Variants in PCDH15 observed in about 807,000 individuals in gnomAD.
PCDH15 encodes the protein protocadherin related 15.
Under a neutral mutation model 178.5 loss-of-function variants are expected in PCDH15, and 129 were observed. The ratio of observed to expected loss-of-function variants is 0.72; its 90% CI spans 0.63 to 0.84. The LOEUF (loss-of-function observed/expected upper bound fraction) is 0.84. PCDH15 is among the 40% of genes least tolerant of loss of function. PCDH15 has a pLI of 0.00. For missense variants in PCDH15, 2,230 were observed against 2,099.9 expected (o/e 1.06, Z -1.21); for synonymous variants, 800 against 732.0 (o/e 1.09, Z -1.50).
At position 55,108,103 on chromosome 10, in the gene PCDH15, T is replaced by C. The variant is rs145767957; in HGVS notation, c.-80+58473A>G. ...TGAGGACAAAGTGAGAAACCAGCCA[T>C]TTCTGAACAAGGAATCAGGCCTTCA... On this transcript the variant is annotated intron_variant, in intron 2 of 5. Coordinates refer to the PCDH15 transcript ENST00000458638. Among the ~76,000 whole-genome samples the C allele has an allele frequency of 1.2e-3, 185 of 152,256 alleles. 2 individuals carry two copies. In the East Asian group the frequency reaches 0.029, roughly 24 times the overall value.
rs570973207 is a variant in PCDH15, at chr10:53,957,661, C to T, written c.3122+2071G>A. On this transcript the variant is annotated intron_variant, in intron 23 of 37. Transcript: ENST00000644397. The stretch of plus-strand genomic sequence containing the variant: ...AGAATGCCATACAATTTAAAACTTA[C>T]GAATTGTTTATTTCTGGAATTTTCC... 1.4e-4 allele frequency among the ~76,000 whole-genome samples: 22 copies of T among 152,082 alleles called. No homozygotes were observed. In the East Asian group the frequency reaches 2.3e-3, roughly 16 times the overall value.
chr10:54,291,517 A>C (rs1440539005), intron 8 of PCDH15, among the ~76,000 whole-genome samples: 1 of 152,194 alleles, frequency 6.6e-6, no homozygotes, highest in South Asian at 2.1e-4. Flanking sequence ...CCCTCCAAAA[A>C]TCAGTGAATC....
chr10:53,883,289 C>T (rs1225678800), intron 26 of PCDH15, among the ~76,000 whole-genome samples: 2 of 151,998 alleles, frequency 1.3e-5, no homozygotes, highest in East Asian at 3.9e-4. Context: ...TTGTCATTAG[C>T]CAGCCATTAA....
intron 8 of PCDH15, among the ~76,000 whole-genome samples, chr10:54,238,500 G>T (rs1479271158): frequency 1.3e-5 from 2 of 151,940 alleles, no homozygotes; most frequent in Admixed American, 1.3e-4. Flanking sequence ...TGAAAATAAA[G>T]AGTTGTTGGT....
intron 25 of PCDH15, among the ~76,000 whole-genome samples, chr10:53,913,761 C>T (rs1176714546): frequency 6.7e-6 from 1 of 149,850 alleles, no homozygotes; most frequent in Non-Finnish European, 1.5e-5. Flanking sequence ...AACCAAAAAA[C>T]AAAAAACAAA....
chr10:55,601,362 A>G (rs899085752), intron 2 of PCDH15, among the ~76,000 whole-genome samples: 31 of 152,206 alleles, frequency 2.0e-4, no homozygotes, highest in Non-Finnish European at 4.3e-4. Context: ...GGATGTGATA[A>G]AAACGAGGTA....
chr10:54,386,925 A>G (rs1208919203), intron 3 of PCDH15, among the ~76,000 whole-genome samples: 4 of 152,144 alleles, frequency 2.6e-5, no homozygotes, highest in Non-Finnish European at 5.9e-5. Context: ...CAAGAGATTA[A>G]TTTTACATCC....
intron 2 of PCDH15, among the ~76,000 whole-genome samples, chr10:55,592,660 A>T (rs911795462): frequency 6.6e-6 from 1 of 152,146 alleles, no homozygotes; most frequent in African/African-American, 2.4e-5. Flanking sequence ...CACACCTAAA[A>T]TATCTAGAAA....
At position 54,711,014 on chromosome 10, in the gene PCDH15, T is replaced by G. The variant is rs139929934; in HGVS notation, c.-28-46724A>C. ...TCACCTGTATATAAGGGACTACAATTTCAGTACTTGACAGCATGGCAACAC... is the reference window on the plus strand; with the variant it reads ...TCACCTGTATATAAGGGACTACAATGTCAGTACTTGACAGCATGGCAACAC... On this transcript the variant is annotated intron_variant, in intron 1 of 37. Coordinates refer to ENST00000644397, the MANE Select transcript of PCDH15 (RefSeq NM_001384140.1). 3.6e-3 allele frequency among the ~76,000 whole-genome samples: 549 copies of G among 152,110 alleles called. 1 individual carries two copies. The highest frequency in any genetic ancestry group is 0.012 in the African/African-American group (485 of 41,548).
intron 2 of PCDH15, among the ~76,000 whole-genome samples, chr10:54,578,326 C>G (rs2090714915): frequency 6.6e-6 from 1 of 151,846 alleles, no homozygotes; most frequent in Admixed American, 6.6e-5. Flanking sequence ...GTCTCAAACC[C>G]TTGATTGATA....
At chr10:54,522,274 A>T (rs1247197149) in intron 3 of PCDH15, among the ~76,000 whole-genome samples, 2 of 152,160 alleles carry the variant, frequency 1.3e-5, no homozygotes, top group South Asian at 4.1e-4. Flanking sequence ...TGGCAAATCA[A>T]TTAAAAAGTC....
At chr10:53,863,479 C>T (rs1364165934) in intron 27 of PCDH15, among the ~76,000 whole-genome samples, 2 of 151,960 alleles carry the variant, frequency 1.3e-5, no homozygotes, top group East Asian at 3.9e-4. Context: ...TTGGTAGCAT[C>T]GACAAGAATA....
intron 2 of PCDH15, among the ~76,000 whole-genome samples, chr10:55,553,405 C>A (rs1356753771): frequency 6.6e-6 from 1 of 151,792 alleles, no homozygotes; most frequent in African/African-American, 2.4e-5. Context: ...CATTATTACT[C>A]ACTAAAGGCT....
intron 2 of PCDH15, among the ~76,000 whole-genome samples, chr10:55,099,664 T>C (rs1237505635): frequency 6.6e-6 from 1 of 152,032 alleles, no homozygotes; most frequent in Non-Finnish European, 1.5e-5. Flanking sequence ...ACCATGTCAG[T>C]AATATCCATA....
intron 2 of PCDH15, among the ~76,000 whole-genome samples, chr10:54,658,055 G>T (rs1384126260): frequency 2.0e-5 from 3 of 152,138 alleles, no homozygotes; most frequent in African/African-American, 7.2e-5. Flanking sequence ...CAGAAGCCTG[G>T]TTTTTTTGAA....
At chr10:53,888,349 CGT>C (rs2081291754) in intron 26 of PCDH15, among the ~76,000 whole-genome samples, 1 of 49,072 alleles carries the variant, frequency 2.0e-5, no homozygotes, top group Non-Finnish European at 3.8e-5. Flanking sequence ...TATATATATA[CGT>C]ATATATACAT....
chr10:53,883,135 A>G (rs1188190990), intron 26 of PCDH15, among the ~76,000 whole-genome samples: 1 of 147,090 alleles, frequency 6.8e-6, no homozygotes, highest in Admixed American at 6.9e-5. Flanking sequence ...ATAAAAATAC[A>G]TAAGAATACA....
At chr10:54,903,580 T>G (rs1200861127) in intron 2 of PCDH15, among the ~76,000 whole-genome samples, 11 of 151,802 alleles carry the variant, frequency 7.2e-5, no homozygotes, top group Admixed American at 2.0e-4. Flanking sequence ...GTTTTTTTTT[T>G]GGGAAAAAGT....
chr10:54,391,319 G>A (rs57351355), intron 3 of PCDH15, among the ~76,000 whole-genome samples: 2,414 of 152,188 alleles, frequency 0.016, 64 homozygotes, highest in African/African-American at 0.055. Flanking sequence ...CCACCTCCAC[G>A]AAAGGAGTTT....
Sources: allele counts gnomAD v4.1 joint callset (sites outside exome capture counted in the v4.1 genomes callset), GRCh38; gene constraint gnomAD v4.1.1; transcripts MANE v1.5; gene names NCBI Gene and HGNC (gene_info 2026-07-23, HGNC 2026-07-21).